Variants in IMMP2L observed in about 807,000 individuals in gnomAD.
IMMP2L encodes inner mitochondrial membrane peptidase subunit 2, also known as mitochondrial inner membrane protease subunit 2.
Under a neutral mutation model 19.3 loss-of-function variants are expected in IMMP2L, and 18 were observed. The observed-to-expected ratio is 0.93, with a 90% CI of 0.64 to 1.38. The LOEUF (loss-of-function observed/expected upper bound fraction) is 1.38, where lower values mean the gene tolerates loss of function less well. Ranked by LOEUF, IMMP2L falls within the 40% of genes most tolerant of loss-of-function variation. The pLI is 0.00. For missense variants in IMMP2L, 233 were observed against 218.2 expected, an observed-to-expected ratio of 1.07 and a Z score of -0.43; for synonymous variants, 76 against 73.0, an observed-to-expected ratio of 1.04 and a Z score of -0.21.
intron 5 of IMMP2L, among the ~76,000 whole-genome samples, chr7:110,702,974 TG>T (rs1794390551): frequency 6.6e-6 from 1 of 152,196 alleles, no homozygotes; most frequent in Non-Finnish European, 1.5e-5. Context: ...TAGCTTTACC[TG>T]GTTTTCTGTT....
In IMMP2L at chr7:111,034,176, G is replaced by A. The variant is rs114140401; in HGVS notation, c.240-70611C>T. On this transcript the variant is annotated intron_variant, in intron 3 of 5. Coordinates refer to ENST00000405709, the MANE Select transcript of IMMP2L (RefSeq NM_032549.4). ...AATAAAGTAGTTACAAAATGAGGAGGGGGAATGCAGCAATCACGTATTCAA... is the reference window on the plus strand; with the variant it reads ...AATAAAGTAGTTACAAAATGAGGAGAGGGAATGCAGCAATCACGTATTCAA... Among the ~76,000 whole-genome samples the A allele has an allele frequency of 7.7e-3, 1,164 of 152,064 alleles. 23 individuals carry two copies. Among genetic ancestry groups the A allele is most frequent in the African/African-American group, 0.027 (1,124 of 41,490 alleles).
At chr7:111,173,407 T>G (rs1806671013) in intron 3 of IMMP2L, among the ~76,000 whole-genome samples, 1 of 151,624 alleles carries the variant, frequency 6.6e-6, no homozygotes, top group Non-Finnish European at 1.5e-5. Context: ...TGTGCACACT[T>G]GGCCTCTCAC....
chr7:111,223,364 G>T (rs1410356313), intron 3 of IMMP2L, among the ~76,000 whole-genome samples: 1 of 151,876 alleles, frequency 6.6e-6, no homozygotes, highest in Non-Finnish European at 1.5e-5. Context: ...TCTATCATTT[G>T]CAGTGTTTTA....
chr7:111,315,310 GGAA>G (rs1044018844), intron 3 of IMMP2L, among the ~76,000 whole-genome samples: 1 of 151,970 alleles, frequency 6.6e-6, no homozygotes, highest in Non-Finnish European at 1.5e-5. Context: ...TAAGACAATA[GGAA>G]GAAACTAGTA....
At chr7:111,025,582 T>C (rs181540570) in intron 3 of IMMP2L, among the ~76,000 whole-genome samples, 327 of 152,146 alleles carry the variant, frequency 2.1e-3, no homozygotes, top group African/African-American at 7.7e-3. Context: ...AAATAAAAAA[T>C]AGGTAAAATT....
chr7:111,466,647 A>G (rs963146905), intron 3 of IMMP2L, among the ~76,000 whole-genome samples: 1 of 152,190 alleles, frequency 6.6e-6, no homozygotes, highest in African/African-American at 2.4e-5. Flanking sequence ...AGAAATAACT[A>G]GATCTCAAGA....
At chr7:110,990,652 A>T (rs985728455) in intron 3 of IMMP2L, among the ~76,000 whole-genome samples, 1 of 152,124 alleles carries the variant, frequency 6.6e-6, no homozygotes, top group African/African-American at 2.4e-5. Context: ...CCAACCCTTC[A>T]TTATCTGGTA....
intron 5 of IMMP2L, among the ~76,000 whole-genome samples, chr7:110,752,806 G>A (rs2130926807): frequency 6.6e-6 from 1 of 152,144 alleles, no homozygotes; most frequent in Admixed American, 6.6e-5. Context: ...TGGTCAGCGG[G>A]AAATAGAAGG....
At chr7:111,008,757 C>G (rs556801571) in intron 3 of IMMP2L, among the ~76,000 whole-genome samples, 1 of 152,054 alleles carries the variant, frequency 6.6e-6, no homozygotes, top group African/African-American at 2.4e-5. Context: ...ACACTCAAAA[C>G]TATTTGTTGT....
At chr7:111,103,918 C>A (rs1219381616) in intron 3 of IMMP2L, among the ~76,000 whole-genome samples, 2 of 151,542 alleles carry the variant, frequency 1.3e-5, no homozygotes, top group Admixed American at 6.6e-5. Context: ...CTATTGAACA[C>A]CATTTTGAGA....
At chr7:111,080,708 G>A (rs1230074602) in intron 3 of IMMP2L, among the ~76,000 whole-genome samples, 1 of 152,078 alleles carries the variant, frequency 6.6e-6, no homozygotes, top group Non-Finnish European at 1.5e-5. Context: ...TGACTTTGTT[G>A]TATTTTTCTC....
At chr7:110,745,011 G>T (rs1797241062) in intron 5 of IMMP2L, among the ~76,000 whole-genome samples, 1 of 152,180 alleles carries the variant, frequency 6.6e-6, no homozygotes, top group Non-Finnish European at 1.5e-5. Context: ...TTGAAAAAAG[G>T]TTAAACGAAT....
intron 3 of IMMP2L, among the ~76,000 whole-genome samples, chr7:111,243,609 G>A (rs1815468115): frequency 2.4e-5 from 3 of 127,176 alleles, no homozygotes; most frequent in African/African-American, 6.0e-5. Context: ...CTGGTGCGCT[G>A]CACCCACTAA....
chr7:111,438,744 G>A (rs1377251943), intron 3 of IMMP2L, among the ~76,000 whole-genome samples: 1 of 151,846 alleles, frequency 6.6e-6, no homozygotes, highest in Non-Finnish European at 1.5e-5. Context: ...CTTCCCAGAA[G>A]ATAGATGTTG....
chr7:111,432,993 T>C (rs943775126), intron 3 of IMMP2L, among the ~76,000 whole-genome samples: 1 of 151,182 alleles, frequency 6.6e-6, no homozygotes, highest in African/African-American at 2.4e-5. Context: ...TGGGAATATA[T>C]TTAACAAAGA....
At chr7:111,461,661 C>T (rs559165259) in intron 3 of IMMP2L, among the ~76,000 whole-genome samples, 1 of 152,152 alleles carries the variant, frequency 6.6e-6, no homozygotes, top group Admixed American at 6.5e-5. Context: ...TCACTTTATT[C>T]TGGAGACTGG....
At chr7:110,861,282 CT>C (rs1052470325) in intron 5 of IMMP2L, among the ~76,000 whole-genome samples, 14 of 148,764 alleles carry the variant, frequency 9.4e-5, no homozygotes, top group East Asian at 2.0e-4. Context: ...TGACGACAAA[CT>C]TTTTTTTTTG....
chr7:111,420,243 A>T (rs923782521), intron 3 of IMMP2L, among the ~76,000 whole-genome samples: 1 of 151,588 alleles, frequency 6.6e-6, no homozygotes, highest in African/African-American at 2.4e-5. Flanking sequence ...CAAACTCACA[A>T]TAAAATGGAG....
intron 3 of IMMP2L, among the ~76,000 whole-genome samples, chr7:111,322,984 G>A (rs543414492): frequency 6.6e-5 from 10 of 151,064 alleles, no homozygotes; most frequent in East Asian, 3.9e-4. Flanking sequence ...TTACACGGAC[G>A]GCTGCATCTC....
Sources: allele counts gnomAD v4.1 joint callset (sites outside exome capture counted in the v4.1 genomes callset), GRCh38; gene constraint gnomAD v4.1.1; transcripts MANE v1.5; gene names NCBI Gene and HGNC (gene_info 2026-07-23, HGNC 2026-07-21).